The following POT1 variants were observed in gnomAD, a reference collection of about 807,000 sequenced individuals.
POT1 encodes the protein protection of telomeres protein 1.
A neutral mutation model predicts 78.5 loss-of-function variants in POT1; 47 were observed. The ratio of observed to expected loss-of-function variants is 0.60; its 90% CI spans 0.47 to 0.76. POT1 has a LOEUF of 0.76. Ranked by LOEUF, POT1 falls within the 30% of genes least tolerant of loss-of-function variation. The probability of loss-of-function intolerance (pLI) is 0.00; values close to 1 mark genes in which losing one functional copy is unlikely to be tolerated. For missense variants in POT1, 646 were observed against 749.9 expected (o/e 0.86, Z 1.62); for synonymous variants, 259 against 260.7 (o/e 0.99, Z 0.06).
chr7:124,822,686 A>G lies in POT1; in HGVS notation c.*1276T>C, dbSNP rs1584744709. On this transcript the variant is annotated 3_prime_UTR_variant, in exon 19 of 19. Transcript: ENST00000357628. Reference sequence around the variant, plus strand: ...TTGAACCAAGAGTCTATATTCTTGAAAATAAAATCAGTCTTTCTCATTGTC... The same window carrying G: ...TTGAACCAAGAGTCTATATTCTTGAGAATAAAATCAGTCTTTCTCATTGTC... 1 of 294,446 alleles carries G rather than the reference A, an allele frequency of 3.4e-6. No homozygotes were observed. The highest frequency in any genetic ancestry group is 7.6e-5 in the East Asian group (1 of 13,144). 18.2% of individuals were successfully genotyped at this position (294,446 alleles called of 1,614,324 possible). A position where few individuals can be genotyped will look rare whatever the true frequency, so the allele number is the denominator to read the frequency against.
chr7:124,870,572 T>C (rs899739380), intron 7 of POT1, among the ~76,000 whole-genome samples: 1 of 152,150 alleles, frequency 6.6e-6, no homozygotes, highest in Non-Finnish European at 1.5e-5. Flanking sequence ...CCTAAAGCTC[T>C]TTTTTAAAAC....
intron 2 of POT1, among the ~76,000 whole-genome samples, chr7:124,922,749 C>T (rs1392454584): frequency 2.0e-5 from 3 of 151,848 alleles, no homozygotes; most frequent in Non-Finnish European, 4.4e-5. Context: ...AAAGGGAACT[C>T]AAATTGTTTG....
chr7:124,888,032 G>T (rs4279518), intron 6 of POT1, among the ~76,000 whole-genome samples: 91,376 of 151,944 alleles, frequency 0.6, 27,602 homozygotes, highest in African/African-American at 0.65. Context: ...ATGTATATAT[G>T]TATATAAAAT....
chr7:124,851,980 T>G, intron 10 of POT1, 29 bp from the exon 11 acceptor site: 1 of 1,461,442 alleles, frequency 6.8e-7, no homozygotes, highest in Non-Finnish European at 9.6e-7. Flanking sequence ...AATTTCAAAT[T>G]GCATAAAACA....
At chr7:124,833,444 G>A (rs1794818117) in intron 15 of POT1, among the ~76,000 whole-genome samples, 1 of 152,186 alleles carries the variant, frequency 6.6e-6, no homozygotes, top group Non-Finnish European at 1.5e-5. Context: ...TAAAACATAT[G>A]TTATAATCCA....
At chr7:124,887,507 C>T (rs1796275420) in intron 6 of POT1, among the ~76,000 whole-genome samples, 1 of 152,038 alleles carries the variant, frequency 6.6e-6, no homozygotes, top group South Asian at 2.1e-4. Context: ...ATTCCTAGTT[C>T]ATTCCTCAAC....
chr7:124,912,291 G>A (rs1178617738), intron 3 of POT1, among the ~76,000 whole-genome samples: 1 of 151,128 alleles, frequency 6.6e-6, no homozygotes, highest in Non-Finnish European at 1.5e-5. Context: ...TTAACTCCAA[G>A]TCACACCTGC....
At chr7:124,929,522 T>C (rs935993410) in intron 1 of POT1, 1 of 152,108 alleles carries the variant, frequency 6.6e-6, no homozygotes, top group Non-Finnish European at 1.5e-5. Context: ...GGACACTCAC[T>C]AGTGTCGATA....
chr7:124,868,685 G>A (rs1795791128), intron 7 of POT1, among the ~76,000 whole-genome samples: 1 of 149,862 alleles, frequency 6.7e-6, no homozygotes, highest in Admixed American at 6.7e-5. Context: ...TAAGGAATTG[G>A]ATTGAATATA....
At chr7:124,921,824 G>A (rs1025941427) in intron 2 of POT1, among the ~76,000 whole-genome samples, 6 of 151,822 alleles carry the variant, frequency 4.0e-5, no homozygotes, top group African/African-American at 1.5e-4. Context: ...ACATACACAC[G>A]TAATTGGCAT....
At chr7:124,920,008 T>G (rs545567049) in intron 2 of POT1, among the ~76,000 whole-genome samples, 22 of 71,180 alleles carry the variant, frequency 3.1e-4, no homozygotes, top group Non-Finnish European at 5.9e-4. Flanking sequence ...CCTTGCCTCC[T>G]TAACAGCTGA....
At chr7:124,826,153 CAT>C (rs532468755) in intron 17 of POT1, among the ~76,000 whole-genome samples, 11 of 152,140 alleles carry the variant, frequency 7.2e-5, no homozygotes, top group Admixed American at 1.3e-4. Flanking sequence ...GGCAGTCAAC[CAT>C]ACCTACGTGA....
Position 124,846,983 on chromosome 7 carries a change from G to T in POT1, c.965C>A (p.Ser322Ter). 1 of 1,605,342 alleles carries T rather than the reference G, an allele frequency of 6.2e-7. No homozygotes were observed. The highest frequency in any genetic ancestry group is 8.5e-7 in the Non-Finnish European group (1 of 1,172,450). The change falls in exon 12 of 19, where the codon TCA (serine) becomes TAA (stop). Residue 322 changes from serine (S) to a stop codon, truncating the protein, a stop_gained. Coordinates refer to ENST00000357628, the MANE Select transcript of POT1 (RefSeq NM_015450.3). LOFTEE classifies it high-confidence loss of function. ...TTGACATCTTTCTACCTCGTATAAT[G>T]ATACTGATCCAGAGCCTATAAAAAG... ...DDSFPSSGSVSLYEVERCQQL... is the reference protein window; with the variant it reads ...DDSFPSSGSV
intron 3 of POT1, among the ~76,000 whole-genome samples, chr7:124,915,148 T>C (rs1796987299): frequency 6.6e-6 from 1 of 152,132 alleles, no homozygotes; most frequent in Non-Finnish European, 1.5e-5. Context: ...TAGTAGTCAG[T>C]AGTTGTAGAA....
intron 6 of POT1, among the ~76,000 whole-genome samples, chr7:124,878,545 T>A (rs181093714): frequency 3.7e-4 from 57 of 152,330 alleles, no homozygotes; most frequent in Admixed American, 1.4e-3. Flanking sequence ...TATATAATCA[T>A]TCCACAATGT....
At chr7:124,868,055 A>T (rs1795774639) in intron 7 of POT1, among the ~76,000 whole-genome samples, 2 of 152,204 alleles carry the variant, frequency 1.3e-5, no homozygotes, top group African/African-American at 4.8e-5. Flanking sequence ...AAATAAATAA[A>T]TATTTGCTGG....
chr7:124,905,976 A>G (rs1796755937), intron 3 of POT1, among the ~76,000 whole-genome samples: 1 of 152,218 alleles, frequency 6.6e-6, no homozygotes, highest in African/African-American at 2.4e-5. Context: ...ATCATTAAAA[A>G]GCCAGGAAAC....
intron 2 of POT1, among the ~76,000 whole-genome samples, chr7:124,925,910 G>T (rs1797261028): frequency 6.6e-6 from 1 of 152,120 alleles, no homozygotes; most frequent in Non-Finnish European, 1.5e-5. Flanking sequence ...GCCACATGCA[G>T]AAGAGTGAAA....
intron 5 of POT1, among the ~76,000 whole-genome samples, chr7:124,894,253 C>T (rs999276674): frequency 7.3e-5 from 11 of 151,152 alleles, no homozygotes; most frequent in African/African-American, 2.4e-4. Flanking sequence ...AGAAAGCTAG[C>T]TCATCAATGA....
Sources: allele counts gnomAD v4.1 joint callset (sites outside exome capture counted in the v4.1 genomes callset), GRCh38; gene constraint gnomAD v4.1.1; transcripts MANE v1.5; gene names NCBI Gene and HGNC (gene_info 2026-07-23, HGNC 2026-07-21).